The following OR1B1 variants were observed in gnomAD, a reference collection of about 807,000 sequenced individuals.
The protein encoded by OR1B1 is olfactory receptor family 1 subfamily B member 1.
For synonymous variants in OR1B1, 168 were observed against 156.2 expected, an observed-to-expected ratio of 1.08 and a Z score of -0.57; for missense variants, 414 against 402.1, an observed-to-expected ratio of 1.03 and a Z score of -0.25.
upstream of OR1B1, among the ~76,000 whole-genome samples, chr9:122,632,473 AG>A (rs1200570281): frequency 4.4e-3 from 666 of 152,234 alleles, 3 homozygotes; most frequent in African/African-American, 0.015. Flanking sequence ...TTTGGTTACA[AG>A]AGTAAGTTCT....
the OR1B1 span, among the ~76,000 whole-genome samples, chr9:122,649,775 A>C: frequency 6.6e-6 from 1 of 152,262 alleles, no homozygotes; most frequent in African/African-American, 2.4e-5. Context: ...ATGTGGAGAA[A>C]CAGGAACTCT....
chr9:122,640,349 G>A, the OR1B1 span, among the ~76,000 whole-genome samples: 306 of 152,144 alleles, frequency 2.0e-3, no homozygotes, highest in African/African-American at 7.0e-3. Flanking sequence ...AGAAGAACAT[G>A]TCCAGTTCTA....
chr9:122,656,568 T>C, the OR1B1 span, among the ~76,000 whole-genome samples: 6 of 152,164 alleles, frequency 3.9e-5, no homozygotes, highest in African/African-American at 9.7e-5. Flanking sequence ...CCTTCCACAA[T>C]GGGATAACCC....
the OR1B1 span, among the ~76,000 whole-genome samples, chr9:122,645,252 G>GAA: frequency 4.8e-4 from 71 of 148,314 alleles, no homozygotes; most frequent in South Asian, 1.3e-3. Context: ...GGAGACAAAA[G>GAA]AAAAAAAAAC....
the OR1B1 span, among the ~76,000 whole-genome samples, chr9:122,640,618 G>A: frequency 6.6e-6 from 1 of 152,122 alleles, no homozygotes; most frequent in African/African-American, 2.4e-5. Flanking sequence ...TAAACAATTT[G>A]TAAGAGCAAT....
exon 1 of OR1B1, chr9:122,628,811 C>G: frequency 6.2e-7 from 1 of 1,614,040 alleles, no homozygotes; most frequent in Non-Finnish European, 8.5e-7. Context: ...GGAGACTGCT[C>G]GGCGGCGACC....
chr9:122,653,658 C>T, the OR1B1 span, among the ~76,000 whole-genome samples: 2 of 152,124 alleles, frequency 1.3e-5, no homozygotes, highest in African/African-American at 4.8e-5. Flanking sequence ...TAGCACTTCC[C>T]CCTGGCTGAA....
chr9:122,628,876 A>C (rs1247123565), exon 1 of OR1B1: 10 of 1,614,168 alleles, frequency 6.2e-6, no homozygotes, highest in Non-Finnish European at 8.5e-6. Flanking sequence ...AAGAGAGTAC[A>C]ATGAGGGCAC....
At chr9:122,639,905 A>C in the OR1B1 span, among the ~76,000 whole-genome samples, 1 of 152,048 alleles carries the variant, frequency 6.6e-6, no homozygotes. Context: ...GAGTAGTAGA[A>C]CAAGAAGCTA....
the OR1B1 span, among the ~76,000 whole-genome samples, chr9:122,637,499 CA>C: frequency 2.6e-5 from 4 of 152,150 alleles, no homozygotes; most frequent in African/African-American, 9.7e-5. Flanking sequence ...TTCAAGATGA[CA>C]CAGCTCATGT....
the OR1B1 span, among the ~76,000 whole-genome samples, chr9:122,648,026 G>A: frequency 3.3e-5 from 5 of 152,046 alleles, no homozygotes; most frequent in Non-Finnish European, 5.9e-5. Context: ...TCCCAGCTCT[G>A]TACCAGGCTA....
At chr9:122,631,410 C>T (rs1341097752), upstream of OR1B1, among the ~76,000 whole-genome samples, 3 of 152,042 alleles carry the variant, frequency 2.0e-5, no homozygotes, top group Non-Finnish European at 4.4e-5. Context: ...ATCTCCTGAC[C>T]TCGTGATCCG....
At chr9:122,651,955 A>G in the OR1B1 span, among the ~76,000 whole-genome samples, 47,634 of 151,998 alleles carry the variant, frequency 0.31, 8,845 homozygotes, top group East Asian at 0.63. Flanking sequence ...GTGCCACCAC[A>G]CATTGCTAAT....
chr9:122,640,685 C>T, the OR1B1 span, among the ~76,000 whole-genome samples: 1 of 152,244 alleles, frequency 6.6e-6, no homozygotes, highest in African/African-American at 2.4e-5. Context: ...TGCTTGGCAA[C>T]TGGAATCTAT....
At chr9:122,629,526 A>C in exon 1 of OR1B1, 1 of 1,600,198 alleles carries the variant, frequency 6.2e-7, no homozygotes, top group Non-Finnish European at 8.5e-7. Context: ...TTAGGGGCAA[A>C]GCTCATCATG....
At chr9:122,648,628 C>A in the OR1B1 span, among the ~76,000 whole-genome samples, 1 of 152,146 alleles carries the variant, frequency 6.6e-6, no homozygotes, top group Non-Finnish European at 1.5e-5. Context: ...AGAGCCAAAT[C>A]ATCAGTGAAG....
chr9:122,629,553 C>A (rs1178851143), exon 1 of OR1B1: 2 of 1,498,618 alleles, frequency 1.3e-6, no homozygotes, highest in Admixed American at 1.9e-5. Context: ...AGTCAGCCTG[C>A]CTGAAAGACA....
At chr9:122,642,261 A>G in the OR1B1 span, among the ~76,000 whole-genome samples, 1 of 152,190 alleles carries the variant, frequency 6.6e-6, no homozygotes, top group Non-Finnish European at 1.5e-5. Context: ...AGTGAGAGAC[A>G]GGTTATTGAT....
the OR1B1 span, among the ~76,000 whole-genome samples, chr9:122,646,088 T>C: frequency 6.6e-6 from 1 of 152,130 alleles, no homozygotes; most frequent in Non-Finnish European, 1.5e-5. Context: ...GCTTTTTGTG[T>C]GTTTGTTTAT....
Sources: allele counts gnomAD v4.1 joint callset (sites outside exome capture counted in the v4.1 genomes callset), GRCh38; gene constraint gnomAD v4.1.1; transcripts MANE v1.5; gene names NCBI Gene and HGNC (gene_info 2026-07-23, HGNC 2026-07-21).